The following CAP2 variants were observed in gnomAD, a reference collection of about 807,000 sequenced individuals.
The protein encoded by CAP2 is adenylyl cyclase-associated protein 2.
CAP2 carries 24 observed loss-of-function variants against 57.7 expected under a neutral mutation model. The ratio of observed to expected loss-of-function variants is 0.42; its 90% confidence interval spans 0.30 to 0.58. CAP2 has a LOEUF of 0.58. Among genes scored for constraint, CAP2 ranks in the 20% least tolerant of loss-of-function variants. The pLI is 0.22. For synonymous variants in CAP2, 194 were observed against 207.2 expected (o/e 0.94, Z 0.55); for missense variants, 501 against 590.3 (o/e 0.85, Z 1.57).
At chr6:17,454,685 A>G (rs994492440) in intron 3 of CAP2, among the ~76,000 whole-genome samples, 22 of 152,198 alleles carry the variant, frequency 1.4e-4, no homozygotes, top group African/African-American at 5.1e-4. Context: ...AAGTGGTAGT[A>G]GCTCTGAAGT....
chr6:17,398,820 G>A (rs182494822), intron 1 of CAP2, among the ~76,000 whole-genome samples: 30 of 152,124 alleles, frequency 2.0e-4, no homozygotes, highest in Non-Finnish European at 3.7e-4. Flanking sequence ...CACCGTGCCC[G>A]GTCCGATTTT....
At chr6:17,516,558 A>G (rs761929035) in intron 7 of CAP2, among the ~76,000 whole-genome samples, 3 of 152,210 alleles carry the variant, frequency 2.0e-5, no homozygotes, top group Admixed American at 6.5e-5. Context: ...AATTACCACT[A>G]AAGAACTTAC....
chr6:17,507,044 A>G, intron 4 of CAP2, 125 bp from the exon 5 acceptor site: 2 of 862,024 alleles, frequency 2.3e-6, no homozygotes, highest in East Asian at 2.4e-5. Flanking sequence ...AGATGATTAT[A>G]TGTTTCTTTT....
intron 1 of CAP2, among the ~76,000 whole-genome samples, chr6:17,410,497 G>A (rs1389817933): frequency 1.3e-5 from 2 of 152,118 alleles, no homozygotes; most frequent in Non-Finnish European, 1.5e-5. Context: ...ATGGCCACTT[G>A]GAGCAGTATC....
intron 4 of CAP2, among the ~76,000 whole-genome samples, chr6:17,473,309 A>C (rs921646754): frequency 2.6e-5 from 4 of 152,150 alleles, no homozygotes; most frequent in Admixed American, 2.0e-4. Context: ...TTGACTAGGG[A>C]ATTTTTTATT....
chr6:17,479,843 C>G (rs1230964654), intron 4 of CAP2, among the ~76,000 whole-genome samples: 1 of 151,930 alleles, frequency 6.6e-6, no homozygotes, highest in African/African-American at 2.4e-5. Context: ...TCTCGATCTC[C>G]TGACCTCGTG....
intron 3 of CAP2, among the ~76,000 whole-genome samples, chr6:17,438,139 G>A (rs1353260322): frequency 1.4e-5 from 2 of 146,916 alleles, no homozygotes; most frequent in Admixed American, 6.7e-5. Flanking sequence ...AGGCCAAGGT[G>A]GGCGGATCAC....
At position 17,394,004 on chromosome 6, in the gene CAP2, G is replaced by T. The variant is rs1581478837; in HGVS notation, c.-2+258G>T. 6.0e-5 allele frequency among the ~76,000 whole-genome samples: 9 copies of T among 149,042 alleles called. No individual in the cohort carries two copies. In the South Asian group the frequency reaches 1.7e-3, roughly 28 times the overall value. On this transcript the variant is annotated intron_variant, in intron 1 of 12. Transcript: ENST00000229922. ...CAGCGGAGCGGCGCGCCCTGCCCCCGCCTCCCCAGCTCCGGCGTCCTGGCC... is the reference window on the plus strand; with the variant it reads ...CAGCGGAGCGGCGCGCCCTGCCCCCTCCTCCCCAGCTCCGGCGTCCTGGCC...
Position 17,518,623 on chromosome 6 carries a change from A to AT in CAP2, c.636+4679dup, listed in dbSNP as rs76355507. On this transcript the variant is annotated intron_variant, in intron 7 of 12. Coordinates refer to ENST00000229922, the MANE Select transcript of CAP2 (RefSeq NM_006366.3). Reference sequence around the variant, plus strand: ...TTTGTGGACACCACAGTATTCAGAGATTTTTTTTTTAATTTAATTTTTTTG... The same window carrying AT: ...TTTGTGGACACCACAGTATTCAGAGATTTTTTTTTTTAATTTAATTTTTTTG... 4.8e-3 allele frequency among the ~76,000 whole-genome samples: 716 copies of AT among 150,656 alleles called. 29 individuals are homozygous for AT. The East Asian group carries it at 0.092, about 19-fold the overall frequency.
chr6:17,402,925 T>C (rs1758853513), intron 1 of CAP2, among the ~76,000 whole-genome samples: 1 of 152,060 alleles, frequency 6.6e-6, no homozygotes, highest in Admixed American at 6.5e-5. Context: ...TTAAAATAAG[T>C]TTTGATATTT....
intron 7 of CAP2, among the ~76,000 whole-genome samples, chr6:17,534,446 A>G (rs1387023546): frequency 1.3e-5 from 2 of 152,272 alleles, no homozygotes; most frequent in Non-Finnish European, 2.9e-5. Flanking sequence ...GAACCCTGTC[A>G]TGTCTTACCC....
intron 11 of CAP2, among the ~76,000 whole-genome samples, chr6:17,545,701 C>G (rs934404963): frequency 6.6e-6 from 1 of 152,298 alleles, no homozygotes; most frequent in Non-Finnish European, 1.5e-5. Flanking sequence ...TCCCCCTCCC[C>G]CAACCTCACA....
intron 11 of CAP2, among the ~76,000 whole-genome samples, chr6:17,550,532 C>T (rs576133705): frequency 4.6e-5 from 7 of 150,676 alleles, no homozygotes; most frequent in Admixed American, 1.3e-4. Flanking sequence ...TTACATCACT[C>T]GCACCATCAA....
intron 1 of CAP2, among the ~76,000 whole-genome samples, 182 bp from the exon 2 acceptor site, chr6:17,421,373 C>A (rs1239685550): frequency 1.3e-5 from 2 of 152,132 alleles, no homozygotes; most frequent in Non-Finnish European, 2.9e-5. Context: ...CTTGTACCCA[C>A]CCCCAAAACT....
chr6:17,543,624 CAAAAAAAAAA>C (rs66747239), intron 11 of CAP2, among the ~76,000 whole-genome samples: 1 of 83,918 alleles, frequency 1.2e-5, no homozygotes, highest in Non-Finnish European at 2.3e-5. Context: ...GACTCCATCT[CAAAAAAAAAA>C]AAAAAAAAAA....
intron 12 of CAP2, among the ~76,000 whole-genome samples, chr6:17,554,345 C>T (rs906055631): frequency 6.6e-6 from 1 of 152,190 alleles, no homozygotes; most frequent in Non-Finnish European, 1.5e-5. Flanking sequence ...GATTACCATC[C>T]CCACTCCTGG....
intron 3 of CAP2, among the ~76,000 whole-genome samples, chr6:17,431,778 C>T (rs569028197): frequency 6.6e-6 from 1 of 152,192 alleles, no homozygotes; most frequent in East Asian, 1.9e-4. Flanking sequence ...GACATAATTT[C>T]TCAGGGCCTC....
chr6:17,496,032 G>GGGGGC (rs1761660513), intron 4 of CAP2, among the ~76,000 whole-genome samples: 2 of 132,524 alleles, frequency 1.5e-5, no homozygotes, highest in African/African-American at 2.9e-5. Context: ...GTGGGTGGGG[G>GGGGGC]GGGGGGGTAA....
intron 7 of CAP2, among the ~76,000 whole-genome samples, chr6:17,537,912 T>G (rs1314281980): frequency 6.6e-6 from 1 of 151,414 alleles, no homozygotes; most frequent in Non-Finnish European, 1.5e-5. Context: ...ACTAAAGATA[T>G]AAAAATTAGC....
Sources: gnomAD v4.1 joint callset for allele counts (sites outside exome capture counted in the v4.1 genomes callset) on GRCh38, gnomAD v4.1.1 for gene constraint, MANE v1.5 for transcripts, NCBI Gene and HGNC (gene_info 2026-07-23, HGNC 2026-07-21) for gene names.